The following TNR variants were observed in gnomAD, a reference collection of about 807,000 sequenced individuals.
The protein encoded by TNR is tenascin R.
TNR carries 45 observed loss-of-function variants against 150.4 expected under a neutral mutation model. That is an observed-to-expected ratio of 0.30 (90% CI 0.24 to 0.38). The LOEUF is 0.38. Ranked by LOEUF, TNR falls within the 10% of genes least tolerant of loss-of-function variation. The pLI, the probability that TNR is intolerant of heterozygous loss-of-function variation, is 1.00. For synonymous variants in TNR, 687 were observed against 678.4 expected, an observed-to-expected ratio of 1.01 and a Z score of -0.20; for missense variants, 1,544 against 1,759.1, an observed-to-expected ratio of 0.88 and a Z score of 2.19.
At chr1:175,486,242 T>C (rs1658006695) in intron 2 of TNR, among the ~76,000 whole-genome samples, 2 of 152,060 alleles carry the variant, frequency 1.3e-5, no homozygotes, top group Admixed American at 1.3e-4. Flanking sequence ...ATCATCTAAA[T>C]TAGATATTTC....
intron 1 of TNR, among the ~76,000 whole-genome samples, chr1:175,626,515 T>C (rs1571690262): frequency 2.0e-5 from 3 of 152,254 alleles, no homozygotes; most frequent in East Asian, 1.9e-4. Flanking sequence ...ACCCTTTTGC[T>C]CTAAAACAAT....
intron 1 of TNR, among the ~76,000 whole-genome samples, chr1:175,560,450 A>G (rs931766680): frequency 6.6e-6 from 1 of 152,240 alleles, no homozygotes; most frequent in Non-Finnish European, 1.5e-5. Context: ...TTCAATCCAT[A>G]AGAATACCAA....
At chr1:175,625,968 G>C (rs202083140) in intron 1 of TNR, among the ~76,000 whole-genome samples, 2 of 79,766 alleles carry the variant, frequency 2.5e-5, no homozygotes, top group Non-Finnish European at 2.3e-5. Flanking sequence ...GGAGGGACCC[G>C]GGGGGGAGGT....
intron 18 of TNR, among the ~76,000 whole-genome samples, chr1:175,345,704 T>G (rs776245783): frequency 5.9e-5 from 9 of 152,006 alleles, no homozygotes; most frequent in Non-Finnish European, 1.2e-4. Flanking sequence ...GGATAGACTA[T>G]GTATTTCAAC....
At chr1:175,521,166 G>A (rs1056346888) in intron 2 of TNR, among the ~76,000 whole-genome samples, 12 of 152,232 alleles carry the variant, frequency 7.9e-5, no homozygotes, top group African/African-American at 2.6e-4. Context: ...TTTTGTTGGC[G>A]ATATCCTGCT....
At chr1:175,604,343 C>T (rs1663347044) in intron 1 of TNR, among the ~76,000 whole-genome samples, 1 of 152,148 alleles carries the variant, frequency 6.6e-6, no homozygotes, top group South Asian at 2.1e-4. Context: ...CTTCTCTCCC[C>T]GACAACTGAC....
rs146648883 is a variant in TNR at position 175,653,282 on chromosome 1, C to T, written c.-165+89944G>A. Among the ~76,000 whole-genome samples the T allele has an allele frequency of 1.6e-3, 248 of 152,262 alleles. 1 individual carries two copies. The highest frequency in any genetic ancestry group is 2.8e-3 in the Non-Finnish European group (191 of 68,018). ...GTCCTAGGAAATGAGATGATTAAAA[C>T]GTAGCCAACGCATAGCATGACACCG... On this transcript the variant is annotated intron_variant, in intron 1 of 22. Coordinates refer to ENST00000367674, the MANE Select transcript of TNR (RefSeq NM_003285.3).
In TNR at chr1:175,657,881, A is replaced by ATG. The variant is rs1417710177; in HGVS notation, c.-165+85344_-165+85345insCA. Among the ~76,000 whole-genome samples the ATG allele has an allele frequency of 4.5e-3, 461 of 102,886 alleles. 34 individuals are homozygous for ATG. The highest frequency in any genetic ancestry group is 9.1e-3 in the South Asian group (25 of 2,754). The allele number at this position is 102,886 out of a possible 152,430, so 67.5% of individuals were successfully genotyped here. On this transcript the variant is annotated intron_variant, in intron 1 of 22. Coordinates refer to ENST00000367674, the MANE Select transcript of TNR (RefSeq NM_003285.3). ...TATATATATATATATATATATATAT[A>ATG]TATGTAACAAACCTGCACGTTGTGC...
intron 1 of TNR, among the ~76,000 whole-genome samples, chr1:175,587,306 A>G (rs1303007286): frequency 6.6e-6 from 1 of 152,220 alleles, no homozygotes; most frequent in East Asian, 1.9e-4. Flanking sequence ...GGCATAAAAG[A>G]AAGGTAGGCT....
At chr1:175,670,119 A>G (rs1665652260) in intron 1 of TNR, among the ~76,000 whole-genome samples, 2 of 152,208 alleles carry the variant, frequency 1.3e-5, no homozygotes. Context: ...TTTCCGGAGT[A>G]TTGGAAAATG....
rs199550905 is a variant in TNR at position 175,337,564 on chromosome 1, C to T, written c.3498G>A (p.Val1166=). Residue 1166 remains valine, a synonymous_variant, in exon 19 of 23, where the codon GTG becomes GTA. Transcript: ENST00000367674. ...CCCCGTCGGTGGTCATATCACAGTA[C>T]ACTTGTAATTTCTGGCTCAGCTCCC... ...LNGELSQKLQ[V]YCDMTTDGGG... The T allele has an allele frequency of 9.3e-6, 15 of 1,613,834 alleles. No homozygotes were observed. Among genetic ancestry groups the T allele is most frequent in the Non-Finnish European group, 1.3e-5 (15 of 1,180,010 alleles).
At chr1:175,624,753 C>A (rs539408313) in intron 1 of TNR, among the ~76,000 whole-genome samples, 2 of 152,278 alleles carry the variant, frequency 1.3e-5, no homozygotes, top group Admixed American at 6.5e-5. Flanking sequence ...GAAACTCATA[C>A]AGACAGCCTA....
At chr1:175,471,691 G>A (rs1183711361) in intron 2 of TNR, among the ~76,000 whole-genome samples, 1 of 152,132 alleles carries the variant, frequency 6.6e-6, no homozygotes, top group African/African-American at 2.4e-5. Flanking sequence ...GGAGGCCCAG[G>A]ACATCACCAT....
In TNR at chr1:175,323,277, A is replaced by G. The variant is rs1649161523; in HGVS notation, c.*80T>C. The G allele has an allele frequency of 6.4e-7, 1 of 1,567,944 alleles. No homozygotes were observed. Among genetic ancestry groups the G allele is most frequent in the African/African-American group, 1.4e-5 (1 of 73,588 alleles). ...TTAATATGTTGCAAAACACATTGCTATTACCCTCCCCCCTTGTTTCATATT... is the reference window on the plus strand; with the variant it reads ...TTAATATGTTGCAAAACACATTGCTGTTACCCTCCCCCCTTGTTTCATATT... On this transcript the variant is annotated 3_prime_UTR_variant, in exon 23 of 23. Transcript: ENST00000367674.
At chr1:175,618,781 A>G (rs533484208) in intron 1 of TNR, among the ~76,000 whole-genome samples, 20 of 152,278 alleles carry the variant, frequency 1.3e-4, no homozygotes, top group African/African-American at 4.8e-4. Context: ...AACACACTGG[A>G]AAGAGGGTTA....
intron 1 of TNR, among the ~76,000 whole-genome samples, chr1:175,626,418 A>C (rs1212221113): frequency 6.6e-6 from 1 of 151,866 alleles, no homozygotes; most frequent in African/African-American, 2.4e-5. Flanking sequence ...CTGCTCCCTC[A>C]GTGCTGAGCT....
At chr1:175,379,120 A>G (rs859423) in intron 9 of TNR, among the ~76,000 whole-genome samples, 102,128 of 149,134 alleles carry the variant, frequency 0.68, 35,202 homozygotes, top group East Asian at 0.82. Flanking sequence ...CAGAGGTTGC[A>G]GTGAGCCAAG....
chr1:175,467,238 G>A (rs1657075453), intron 2 of TNR, among the ~76,000 whole-genome samples: 1 of 152,172 alleles, frequency 6.6e-6, no homozygotes, highest in Non-Finnish European at 1.5e-5. Flanking sequence ...CTCTCTCCCA[G>A]TGTGGATCAA....
chr1:175,730,655 T>C (rs1667613464), intron 1 of TNR, among the ~76,000 whole-genome samples: 1 of 152,238 alleles, frequency 6.6e-6, no homozygotes, highest in African/African-American at 2.4e-5. Flanking sequence ...GAGAATGTCT[T>C]TATTCTCACC....
Sources: gnomAD v4.1 joint callset for allele counts (sites outside exome capture counted in the v4.1 genomes callset) on GRCh38, gnomAD v4.1.1 for gene constraint, MANE v1.5 for transcripts, NCBI Gene and HGNC (gene_info 2026-07-23, HGNC 2026-07-21) for gene names.